DPP7: variants seen among roughly 807,000 people sequenced by gnomAD.
DPP7 encodes the protein dipeptidyl peptidase 7.
Under a neutral mutation model 58.8 loss-of-function variants are expected in DPP7, and 74 were observed. That is an observed-to-expected ratio of 1.26 (90% CI 1.04 to 1.53). The LOEUF (loss-of-function observed/expected upper bound fraction) is 1.53. Among genes scored for constraint, DPP7 ranks in the 40% most tolerant of loss-of-function variants. The pLI is 0.00. For synonymous variants in DPP7, 350 were observed against 303.6 expected (o/e 1.15, Z -1.59); for missense variants, 807 against 692.3 (o/e 1.17, Z -1.86).
At position 137,113,105 on chromosome 9, in the gene DPP7, G is replaced by A. The variant is rs745368679; in HGVS notation, c.718C>T (p.Arg240Cys). Residue 240 changes from arginine (R) to cysteine (C), a missense_variant, in exon 7 of 13, where the codon CGC (arginine) becomes TGC (cysteine). Transcript: ENST00000371579. ...GGCTGGCAGGTGCCGAACTCCCAGCGGACCGTGTCGTAGGCTGCGTGGAAG... is the reference window on the plus strand; with the variant it reads ...GGCTGGCAGGTGCCGAACTCCCAGCAGACCGTGTCGTAGGCTGCGTGGAAG... ...LFLQGAYDTVRWEFGTCQPLS... is the reference protein window; with the variant it reads ...LFLQGAYDTVCWEFGTCQPLS... 16 of 1,613,496 alleles carry A rather than the reference G, an allele frequency of 9.9e-6. No individual in the cohort carries two copies. The Admixed American group carries it at 1.3e-4, about 13-fold the overall frequency.
upstream of DPP7, among the ~76,000 whole-genome samples, chr9:137,118,107 C>A (rs1375495450): frequency 6.6e-6 from 1 of 152,050 alleles, no homozygotes; most frequent in Non-Finnish European, 1.5e-5. Context: ...CCTGTCTCAG[C>A]CTCCGGAGTA....
rs370999915 is a variant in DPP7, at chr9:137,113,854, G to T, written c.485+11C>A. 2 of 1,496,816 alleles carry T rather than the reference G, an allele frequency of 1.3e-6. No homozygotes were observed. Among genetic ancestry groups the T allele is most frequent in the Non-Finnish European group, 1.8e-6 (2 of 1,122,586 alleles). 92.7% of individuals were successfully genotyped at this position (1,496,816 alleles called of 1,614,324 possible). ...GAGGGAGGGGGTGCGGAGGCCGGGG[G>T]AGGCGCCCACCTTCCACCGAAGGCG... On this transcript the variant is annotated intron_variant, in intron 4 of 12. Transcript: ENST00000371579.
In DPP7 at chr9:137,112,588, G is replaced by A. The variant is rs1831425251; in HGVS notation, c.931+157C>T. ...CCAGGGACGGCCCCTGCCTCCCCCA[G>A]GGTTTCTGGGAAGGTCGTGCTGTCC... is the stretch of plus-strand genomic sequence containing the variant. On this transcript the variant is annotated intron_variant, in intron 8 of 12. Transcript: ENST00000371579. 3 of 918,288 alleles carry A rather than the reference G, an allele frequency of 3.3e-6. No homozygotes were observed. The Admixed American group carries it at 7.8e-5, about 24-fold the overall frequency. 56.9% of individuals were successfully genotyped at this position (918,288 alleles called of 1,614,324 possible).
chr9:137,111,675 C>T lies in DPP7; in HGVS notation c.1272+15G>A, dbSNP rs777084651. 1.9e-6 allele frequency: 3 copies of T among 1,612,860 alleles called. No individual in the cohort carries two copies. Among genetic ancestry groups the T allele is most frequent in the Non-Finnish European group, 2.5e-6 (3 of 1,179,666 alleles). On this transcript the variant is annotated intron_variant, in intron 11 of 12. Transcript: ENST00000371579. ...AACAAACTAACGGGGTCATAGGGCC[C>T]AGGCCAGGACTCACCCCGCCCCCTG...
At position 137,113,942 on chromosome 9, in the gene DPP7, G is replaced by A. The variant is rs776672780; in HGVS notation, c.408C>T (p.Ala136=). The change falls in exon 4 of 13, where the codon GCC becomes GCT. Residue 136 remains alanine (A), a synonymous_variant. Coordinates refer to ENST00000371579, the MANE Select transcript of DPP7 (RefSeq NM_013379.3). ...TELLTVEQAL[A]DFAELLRALR... is the part of the protein sequence containing the mutation. ...GCGCGCGGAGCAGCTCTGCGAAGTC[G>A]GCCAGGGCCTGCTCCACCGTCAGCA... 5.7e-6 allele frequency: 9 copies of A among 1,586,560 alleles called. No homozygotes were observed. The Admixed American group carries it at 1.2e-4, about 21-fold the overall frequency.
chr9:137,111,091 G>A, intron 11 of DPP7, 141 bp from the exon 12 acceptor site: 1 of 851,462 alleles, frequency 1.2e-6, no homozygotes, highest in South Asian at 1.5e-5. Context: ...GCCAGAGACG[G>A]AGGTGGGAAG....
rs749945667 is a variant in DPP7, at chr9:137,113,992, A to C, written c.358T>G (p.Ser120Ala). ...YGKSLPFGAQ[S>A]TQRGHTELLT... Reference sequence around the variant, plus strand: ...AGCTCCGTGTGCCCGCGCTGCGTGGACTGCGCACCGAACGGCAGCGACTTC... The same window carrying C: ...AGCTCCGTGTGCCCGCGCTGCGTGGCCTGCGCACCGAACGGCAGCGACTTC... The change falls in exon 4 of 13, where the codon TCC becomes GCC. Residue 120 changes from serine (S) to alanine (A), a missense_variant. This residue lies in a region of DPP7 where 624 missense variants were observed against 531.2 expected (regional missense o/e 1.17). Transcript: ENST00000371579. 9.6e-6 allele frequency: 15 copies of C among 1,556,374 alleles called. No homozygotes were observed. The highest frequency in any genetic ancestry group is 1.4e-5 in the African/African-American group (1 of 71,858).
At chr9:137,116,816 A>G (rs1465126361), upstream of DPP7, among the ~76,000 whole-genome samples, 2 of 152,354 alleles carry the variant, frequency 1.3e-5, no homozygotes, top group South Asian at 2.1e-4. Flanking sequence ...ATTCTGAGAC[A>G]GGAGAAAACC....
chr9:137,116,488 C>T (rs1372071700), upstream of DPP7, among the ~76,000 whole-genome samples: 1 of 152,246 alleles, frequency 6.6e-6, no homozygotes, highest in African/African-American at 2.4e-5. Context: ...AGGCAGTATG[C>T]TTGGTAAAAG....
Position 137,114,344 on chromosome 9 carries a change from A to G in DPP7, c.220T>C (p.Tyr74His). The change falls in exon 3 of 13, where the codon TAC becomes CAC. Residue 74 changes from tyrosine to histidine, a missense_variant. Physicochemically the swap from Tyr to His is moderately conservative, Grantham distance 83 (BLOSUM62 2). Transcript: ENST00000371579. ...WVRGEGPIFF[Y>H]TGNEGDVWAF... Reference sequence around the variant, plus strand: ...CACACGTCGCCCTCGTTCCCAGTGTAGAAGAAGATGGGCCCCTCGCCCCGG... The same window carrying G: ...CACACGTCGCCCTCGTTCCCAGTGTGGAAGAAGATGGGCCCCTCGCCCCGG... 6.2e-7 allele frequency: 1 copy of G among 1,605,876 alleles called. No individual in the cohort carries two copies. Among genetic ancestry groups the G allele is most frequent in the South Asian group, 1.1e-5 (1 of 90,424 alleles).
upstream of DPP7, among the ~76,000 whole-genome samples, chr9:137,116,343 T>C (rs2131163337): frequency 6.6e-6 from 1 of 152,342 alleles, no homozygotes; most frequent in Non-Finnish European, 1.5e-5. Flanking sequence ...AATCAAGGTT[T>C]AAGGCATCTA....
chr9:137,112,350 G>T, intron 8 of DPP7, 120 bp from the exon 9 acceptor site: 1 of 837,056 alleles, frequency 1.2e-6, no homozygotes, highest in Non-Finnish European at 1.8e-6. Context: ...GGATCTGTAG[G>T]TCCCAGTGAG....
upstream of DPP7, among the ~76,000 whole-genome samples, chr9:137,116,465 A>C (rs376633335): frequency 3.3e-5 from 5 of 152,380 alleles, no homozygotes; most frequent in African/African-American, 1.2e-4. Flanking sequence ...TGCTTTGTTA[A>C]CAATGTGTTT....
chr9:137,113,838 G>A (rs775122763), intron 4 of DPP7, 27 bp downstream of exon 4: 3 of 1,464,278 alleles, frequency 2.0e-6, no homozygotes, highest in East Asian at 2.5e-5. Context: ...GGAGGGAGGG[G>A]GTGCGGAGGC....
chr9:137,112,251 G>A, intron 8 of DPP7, 21 bp from the exon 9 acceptor site: 1 of 1,582,972 alleles, frequency 6.3e-7, no homozygotes, highest in Non-Finnish European at 8.5e-7. Context: ...GAGGCGCTGG[G>A]GCCCAGCGGC....
Position 137,110,565 on chromosome 9 carries a change from A to T in DPP7, c.*83T>A. ...TACATGGCCAGGCCTCCAGGCGTTT[A>T]TTCAGCCCCTTCCCTCTGCCGCCAG... is the stretch of plus-strand genomic sequence containing the variant. On this transcript the variant is annotated 3_prime_UTR_variant, in exon 13 of 13. Transcript: ENST00000371579. The T allele has an allele frequency of 6.5e-7, 1 of 1,531,450 alleles. No homozygotes were observed. Among genetic ancestry groups the T allele is most frequent in the Non-Finnish European group, 8.8e-7 (1 of 1,139,724 alleles). The allele number at this position is 1,531,450 out of a possible 1,614,324, so 94.9% of individuals were successfully genotyped here. A position where few individuals can be genotyped will look rare whatever the true frequency, so the allele number is the denominator to read the frequency against.
Position 137,113,190 on chromosome 9 carries a change from G to A in DPP7, c.703+16C>T, listed in dbSNP as rs368625305. 17 of 1,613,540 alleles carry A rather than the reference G, an allele frequency of 1.1e-5. No homozygotes were observed. The highest frequency in any genetic ancestry group is 1.3e-5 in the African/African-American group (1 of 74,978). On this transcript the variant is annotated intron_variant, in intron 6 of 12. Coordinates refer to ENST00000371579, the MANE Select transcript of DPP7 (RefSeq NM_013379.3). Reference sequence around the variant, plus strand: ...TGGGGCGGGTCAGGCAGTGGGAGGCGGTGGGAGGACCTCACCTCCCTGTAG... The same window carrying A: ...TGGGGCGGGTCAGGCAGTGGGAGGCAGTGGGAGGACCTCACCTCCCTGTAG...
intron 12 of DPP7, 22 bp from the exon 13 acceptor site, chr9:137,110,805 GGCCCGTCA>G (rs1564319134): frequency 6.2e-7 from 1 of 1,602,300 alleles, no homozygotes. Context: ...GCACAGAGGG[GGCCCGTCA>G]GCCCCAGCCC....
intron 11 of DPP7, among the ~76,000 whole-genome samples, chr9:137,111,156 G>A (rs1319190647): frequency 6.6e-6 from 1 of 152,302 alleles, no homozygotes; most frequent in Middle Eastern, 3.4e-3. Flanking sequence ...AGGGGCAGGT[G>A]TGAGGCCTGT....
Sources: gnomAD v4.1 joint callset for allele counts (sites outside exome capture counted in the v4.1 genomes callset) on GRCh38, gnomAD v4.1.1 for gene constraint, gnomAD v4.1.1 regional missense constraint, MANE v1.5 for transcripts, NCBI Gene and HGNC (gene_info 2026-07-23, HGNC 2026-07-21) for gene names.